Variants in WDFY4 observed in about 807,000 individuals in gnomAD.
WDFY4 encodes WDFY family member 4.
Under a neutral mutation model 351.9 loss-of-function variants are expected in WDFY4, and 169 were observed. The ratio of observed to expected loss-of-function variants is 0.48; its 90% CI spans 0.42 to 0.55. The LOEUF is 0.55. Ranked by LOEUF, WDFY4 falls within the 20% of genes least tolerant of loss-of-function variation. The pLI, the probability that WDFY4 is intolerant of heterozygous loss-of-function variation, is 0.00. For missense variants in WDFY4, 3,803 were observed against 3,935.6 expected, an observed-to-expected ratio of 0.97 and a Z score of 0.90; for synonymous variants, 1,622 against 1,574.6, an observed-to-expected ratio of 1.03 and a Z score of -0.71.
intron 47 of WDFY4, chr10:48,910,071 G>C: frequency 1.5e-6 from 1 of 649,374 alleles, no homozygotes; most frequent in East Asian, 2.7e-5. Flanking sequence ...AGCTAAGGGA[G>C]GTGAAGTGAA....
rs753408249 is a variant in WDFY4, at chr10:48,970,167, C to A, written c.8806C>A (p.Arg2936Ser). 6.4e-7 allele frequency: 1 copy of A among 1,551,710 alleles called. No individual in the cohort carries two copies. The highest frequency in any genetic ancestry group is 8.7e-7 in the Non-Finnish European group (1 of 1,147,016). The change falls in exon 57 of 62, where the codon CGC (arginine) becomes AGC (serine). Residue 2936 changes from arginine to serine, a missense_variant. Around this residue, in one of 3 missense-constraint regions of WDFY4, gnomAD observed 3,054 missense variants for 3,148.6 expected, o/e 0.97. Transcript: ENST00000325239. ...MTFENLAAWG[R>S]CLCAVCPSPT... ...ATTCGAGAACCTGGCTGCCTGGGGC[C>A]GCTGTCTGTGCGCCGTGTGCCCATC...
Position 48,726,035 on chromosome 10 carries a change from A to G in WDFY4, c.746A>G (p.Lys249Arg). ...PTFCVLRAIS[K>R]AQNLSIIQYL... is the part of the protein sequence containing the mutation. ...TTCTGCGTGCTAAGGGCAATCTCCA[A>G]GGCCCAGAACCTCAGCATCATCCAG... Residue 249 changes from lysine to arginine, a missense_variant, in exon 6 of 62, where the codon AAG becomes AGG. By Grantham distance (26) the Lys-to-Arg change is conservative. Transcript: ENST00000325239. 6.4e-7 allele frequency: 1 copy of G among 1,551,376 alleles called. No individual in the cohort carries two copies. The highest frequency in any genetic ancestry group is 8.7e-7 in the Non-Finnish European group (1 of 1,146,804).
intron 1 of WDFY4, among the ~76,000 whole-genome samples, chr10:48,697,761 C>T (rs1485255629): frequency 6.6e-6 from 1 of 152,142 alleles, no homozygotes; most frequent in African/African-American, 2.4e-5. Context: ...AATGGTGTTT[C>T]CTGGGCCATT....
intron 1 of WDFY4, among the ~76,000 whole-genome samples, chr10:48,693,542 A>T (rs80190371): frequency 7.2e-4 from 109 of 152,244 alleles, no homozygotes; most frequent in Middle Eastern, 3.4e-3. Context: ...CTTGTGGGAG[A>T]CTCATTCTGG....
Position 48,817,399 on chromosome 10 carries a change from G to T in WDFY4, c.5495G>T (p.Gly1832Val). 6.5e-7 allele frequency: 1 copy of T among 1,550,346 alleles called. No individual in the cohort carries two copies. The highest frequency in any genetic ancestry group is 8.7e-7 in the Non-Finnish European group (1 of 1,146,060). Reference protein sequence around the residue: ...QTLAIAAFPLGAQKGVGAEST... With the variant: ...QTLAIAAFPLVAQKGVGAEST... ...TTGGCCATAGCCGCCTTCCCCCTGG[G>T]AGCCCAAAAGGTAGGACATGCTGCT... The change falls in exon 32 of 62, where the codon GGA becomes GTA. Residue 1832 changes from glycine to valine, a missense_variant. Coordinates refer to ENST00000325239, the MANE Select transcript of WDFY4 (RefSeq NM_001394531.1).
At chr10:48,688,267 T>C (rs1396597737) in intron 1 of WDFY4, among the ~76,000 whole-genome samples, 1 of 152,232 alleles carries the variant, frequency 6.6e-6, no homozygotes, top group Non-Finnish European at 1.5e-5. Context: ...TCCCCATTCT[T>C]TTCTTCTTCC....
At position 48,828,771 on chromosome 10, in the gene WDFY4, C is replaced by A; in HGVS notation, c.6222-7C>A. On this transcript the variant is annotated splice_region_variant and splice_polypyrimidine_tract_variant and intron_variant, in intron 36 of 61. Coordinates refer to ENST00000325239, the MANE Select transcript of WDFY4 (RefSeq NM_001394531.1). Reference sequence around the variant, plus strand: ...TGGATTTTAGTGAAAAATCTCTTATCCACTAGTTACCCAGAAGGATTTGGA... The same window carrying A: ...TGGATTTTAGTGAAAAATCTCTTATACACTAGTTACCCAGAAGGATTTGGA... 1 of 1,493,274 alleles carries A rather than the reference C, an allele frequency of 6.7e-7. No individual in the cohort carries two copies. Among genetic ancestry groups the A allele is most frequent in the Non-Finnish European group, 9.1e-7 (1 of 1,103,176 alleles). 92.5% of individuals were successfully genotyped at this position (1,493,274 alleles called of 1,614,324 possible).
intron 12 of WDFY4, among the ~76,000 whole-genome samples, chr10:48,751,333 A>G (rs2065174757): frequency 6.6e-6 from 1 of 152,208 alleles, no homozygotes; most frequent in Admixed American, 6.5e-5. Context: ...ATCTTGAGTA[A>G]GGTTTGTTCC....
intron 2 of WDFY4, among the ~76,000 whole-genome samples, chr10:48,711,095 G>A (rs2063757546): frequency 6.6e-6 from 1 of 152,212 alleles, no homozygotes; most frequent in African/African-American, 2.4e-5. Flanking sequence ...TGTTTTCACT[G>A]CTAAATGCCT....
At chr10:48,891,065 C>T (rs1015306067) in intron 44 of WDFY4, among the ~76,000 whole-genome samples, 1 of 152,198 alleles carries the variant, frequency 6.6e-6, no homozygotes, top group African/African-American at 2.4e-5. Flanking sequence ...GCTCATTCTG[C>T]GTGAGAAAAC....
At chr10:48,754,881 G>A (rs1475579442) in intron 12 of WDFY4, among the ~76,000 whole-genome samples, 1 of 152,170 alleles carries the variant, frequency 6.6e-6, no homozygotes, top group Non-Finnish European at 1.5e-5. Flanking sequence ...CATGGGCAGG[G>A]TGTTGGAAAA....
chr10:48,893,086 C>G (rs1316909727), intron 44 of WDFY4, among the ~76,000 whole-genome samples: 2 of 152,174 alleles, frequency 1.3e-5, no homozygotes, highest in African/African-American at 4.8e-5. Flanking sequence ...TCTAGGGAAG[C>G]CTCCTTCCTT....
intron 1 of WDFY4, among the ~76,000 whole-genome samples, chr10:48,707,623 G>A (rs2063665664): frequency 6.6e-6 from 1 of 152,224 alleles, no homozygotes; most frequent in South Asian, 2.1e-4. Flanking sequence ...GAGACACGTG[G>A]TGGAGTCTGA....
intron 13 of WDFY4, among the ~76,000 whole-genome samples, chr10:48,766,960 C>T (rs1022675067): frequency 6.6e-6 from 1 of 152,160 alleles, no homozygotes; most frequent in Admixed American, 6.5e-5. Flanking sequence ...AAGGTGTGTA[C>T]ATTTAATTAA....
At chr10:48,938,123 TA>T (rs1840509607) in intron 47 of WDFY4, among the ~76,000 whole-genome samples, 1 of 152,260 alleles carries the variant, frequency 6.6e-6, no homozygotes, top group Non-Finnish European at 1.5e-5. Context: ...TAGTGCTTCT[TA>T]ACTCAAGAAA....
At chr10:48,806,872 T>C (rs2448540) in intron 27 of WDFY4, among the ~76,000 whole-genome samples, 70,031 of 152,136 alleles carry the variant, frequency 0.46, 17,202 homozygotes, top group East Asian at 0.83. Context: ...TAGCCACGTT[T>C]TAAGTGCTCA....
chr10:48,943,593 G>A, intron 49 of WDFY4, 144 bp downstream of exon 49: 1 of 861,632 alleles, frequency 1.2e-6, no homozygotes, highest in African/African-American at 1.8e-5. Flanking sequence ...CTGAAGCTCA[G>A]ATCTCTTTTT....
chr10:48,898,287 G>A (rs183120014), intron 45 of WDFY4, among the ~76,000 whole-genome samples: 1 of 152,166 alleles, frequency 6.6e-6, no homozygotes, highest in Admixed American at 6.5e-5. Flanking sequence ...TAAACTTCAG[G>A]GGCCCCCAGT....
At chr10:48,711,865 T>C (rs1286347319) in intron 2 of WDFY4, among the ~76,000 whole-genome samples, 2 of 152,196 alleles carry the variant, frequency 1.3e-5, no homozygotes, top group African/African-American at 4.8e-5. Flanking sequence ...TTCTAATTTA[T>C]CTTGAAAATT....
Sources: allele counts gnomAD v4.1 joint callset (sites outside exome capture counted in the v4.1 genomes callset), GRCh38; gene constraint gnomAD v4.1.1; regional missense constraint gnomAD v4.1.1; transcripts MANE v1.5; gene names NCBI Gene and HGNC (gene_info 2026-07-23, HGNC 2026-07-21).